CFAP157: variants seen among roughly 807,000 people sequenced by gnomAD.
CFAP157 encodes cilia and flagella associated protein 157.
CFAP157 carries 43 observed loss-of-function variants against 57.8 expected under a neutral mutation model. The observed-to-expected ratio is 0.74, with a 90% CI of 0.58 to 0.96. The LOEUF (loss-of-function observed/expected upper bound fraction) is 0.96. Among genes scored for constraint, CFAP157 ranks in the 40% least tolerant of loss-of-function variants. The pLI is 0.00. For synonymous variants in CFAP157, 267 were observed against 269.0 expected, an observed-to-expected ratio of 0.99 and a Z score of 0.07; for missense variants, 606 against 655.3, an observed-to-expected ratio of 0.92 and a Z score of 0.82.
intron 4 of CFAP157, 114 bp from the exon 5 acceptor site, chr9:127,711,706 C>T: frequency 7.8e-7 from 1 of 1,278,720 alleles, no homozygotes; most frequent in Non-Finnish European, 1.1e-6. Flanking sequence ...AAGCAGAGTC[C>T]AGCCCTGGAG....
At chr9:127,711,122 A>C (rs574813004) in intron 3 of CFAP157, 107 bp from the exon 4 acceptor site, 1 of 1,369,056 alleles carries the variant, frequency 7.3e-7, no homozygotes, top group Non-Finnish European at 9.9e-7. Context: ...GGGAGAGAGC[A>C]TGCTGGTGTT....
rs930782828 is a variant in CFAP157, at chr9:127,712,876, G to A, written c.1304+1G>A. On this transcript the variant is annotated splice_donor_variant, in intron 7 of 8. Coordinates refer to ENST00000373295, the MANE Select transcript of CFAP157 (RefSeq NM_001012502.3). LOFTEE classifies it high-confidence loss of function. ...AGTCCCATGGCCCACCCAAGGAGAGGTAAGCAAGTGGCCCTGTGTGGCCTC... is the reference window on the plus strand; with the variant it reads ...AGTCCCATGGCCCACCCAAGGAGAGATAAGCAAGTGGCCCTGTGTGGCCTC... 1.9e-6 allele frequency: 3 copies of A among 1,608,518 alleles called. No individual in the cohort carries two copies. The African/African-American group carries it at 4.0e-5, about 22-fold the overall frequency.
Position 127,713,866 on chromosome 9 carries a change from A to G in CFAP157, c.1524A>G (p.Glu508=). 1.2e-6 allele frequency: 2 copies of G among 1,613,984 alleles called. No homozygotes were observed. The highest frequency in any genetic ancestry group is 8.5e-7 in the Non-Finnish European group (1 of 1,180,028). Residue 508 remains glutamate, a synonymous_variant, in exon 9 of 9, where the codon GAA becomes GAG. Transcript: ENST00000373295. The part of the protein sequence containing the change: ...MRAPGSLKRL[E]KFSLPEVPLR... ...CCCCTGGTTCTCTAAAAAGGCTTGA[A>G]AAGTTTAGTCTTCCTGAAGTTCCCC...
chr9:127,709,609 G>C lies in CFAP157; in HGVS notation c.349G>C (p.Asp117His). Reference sequence around the variant, plus strand: ...GCAGCTAGCCAAAGAGATGGAGAAGGATGCCTTCGAGGCGCAGCTGGCCCA... The same window carrying C: ...GCAGCTAGCCAAAGAGATGGAGAAGCATGCCTTCGAGGCGCAGCTGGCCCA... ...NLQLAKEMEKDAFEAQLAQVR... is the reference protein window; with the variant it reads ...NLQLAKEMEKHAFEAQLAQVR... The change falls in exon 2 of 9, where the codon GAT (aspartate) becomes CAT (histidine). Residue 117 changes from aspartate to histidine, a missense_variant. Transcript: ENST00000373295. The surrounding 1 kb of genome is among the most constrained non-coding windows in gnomAD (Gnocchi z 4.7). The C allele has an allele frequency of 6.2e-7, 1 of 1,613,976 alleles. No individual in the cohort carries two copies. Among genetic ancestry groups the C allele is most frequent in the Non-Finnish European group, 8.5e-7 (1 of 1,180,028 alleles).
At position 127,714,913 on chromosome 9, in the gene CFAP157, C is replaced by A. The variant is rs1231671835; in HGVS notation, c.*1008C>A. 1.3e-6 allele frequency: 1 copy of A among 745,074 alleles called. No individual in the cohort carries two copies. 46.2% of individuals were successfully genotyped at this position (745,074 alleles called of 1,614,324 possible). A position where few individuals can be genotyped will look rare whatever the true frequency, so the allele number is the denominator to read the frequency against. ...TGTCACAGCCAGTGCTCCCCTCTGGCCCCCGCGCCCCAACCCCCACCCCCT... is the reference window on the plus strand; with the variant it reads ...TGTCACAGCCAGTGCTCCCCTCTGGACCCCGCGCCCCAACCCCCACCCCCT... On this transcript the variant is annotated 3_prime_UTR_variant, in exon 9 of 9. Transcript: ENST00000373295.
In CFAP157 at chr9:127,714,945, GC is replaced by G; in HGVS notation, c.*1043del. 2.9e-6 allele frequency: 1 copy of G among 345,142 alleles called. No homozygotes were observed. The highest frequency in any genetic ancestry group is 4.4e-5 in the South Asian group (1 of 22,922). The allele number at this position is 345,142 out of a possible 1,614,324, so 21.4% of individuals were successfully genotyped here. ...GCCCCAACCCCCACCCCCTTGGCCC[GC>G]CCGCCCACCCCTGGCGCTCTCAACT... On this transcript the variant is annotated 3_prime_UTR_variant, in exon 9 of 9. Transcript: ENST00000373295.
In CFAP157 at chr9:127,714,941, G is replaced by GCCCC; in HGVS notation, c.*1039_*1040insCCCC. The stretch of plus-strand genomic sequence containing the variant: ...CCGCGCCCCAACCCCCACCCCCTTG[G>GCCCC]CCCGCCCGCCCACCCCTGGCGCTCT... On this transcript the variant is annotated 3_prime_UTR_variant, in exon 9 of 9. Transcript: ENST00000373295. 2 of 446,380 alleles carry GCCCC rather than the reference G, an allele frequency of 4.5e-6. No homozygotes were observed. The highest frequency in any genetic ancestry group is 4.1e-6 in the Non-Finnish European group (1 of 246,458). The allele number at this position is 446,380 out of a possible 1,614,324, so 27.7% of individuals were successfully genotyped here.
At position 127,712,879 on chromosome 9, in the gene CFAP157, A is replaced by C. The variant is rs1189425745; in HGVS notation, c.1304+4A>C. The C allele has an allele frequency of 2.5e-6, 4 of 1,608,430 alleles. No individual in the cohort carries two copies. In the South Asian group the frequency reaches 4.4e-5, roughly 18 times the overall value. On this transcript the variant is annotated splice_donor_region_variant and intron_variant, in intron 7 of 8. Transcript: ENST00000373295. Reference sequence around the variant, plus strand: ...CCCATGGCCCACCCAAGGAGAGGTAAGCAAGTGGCCCTGTGTGGCCTCAGA... The same window carrying C: ...CCCATGGCCCACCCAAGGAGAGGTACGCAAGTGGCCCTGTGTGGCCTCAGA...
At chr9:127,712,373 G>C in intron 6 of CFAP157, 24 bp downstream of exon 6, 1 of 1,612,288 alleles carries the variant, frequency 6.2e-7, no homozygotes. Flanking sequence ...AGAGAGGGAG[G>C]GCGCAAGGGG....
At position 127,709,412 on chromosome 9, in the gene CFAP157, C is replaced by G. The variant is rs773957706; in HGVS notation, c.162-10C>G. 2 of 1,611,774 alleles carry G rather than the reference C, an allele frequency of 1.2e-6. No homozygotes were observed. The highest frequency in any genetic ancestry group is 1.7e-6 in the Non-Finnish European group (2 of 1,179,406). ...CTGACCCCTGGACCACGGCTCTGCC[C>G]CTGCCCCAGGTACCAGCGGAAGTGG... On this transcript the variant is annotated splice_polypyrimidine_tract_variant and intron_variant, in intron 1 of 8. Transcript: ENST00000373295. The surrounding 1 kb of genome is among the most constrained non-coding windows in gnomAD (Gnocchi z 4.7).
Position 127,712,692 on chromosome 9 carries a change from C to G in CFAP157, c.1138-17C>G, listed in dbSNP as rs768608600. On this transcript the variant is annotated splice_polypyrimidine_tract_variant and intron_variant, in intron 6 of 8. Transcript: ENST00000373295. ...GGGGCCACTGTGGGCCTGCTGCCAC[C>G]CCACCCTCACCAACAGATGCACCGC... 1.2e-6 allele frequency: 2 copies of G among 1,614,070 alleles called. No individual in the cohort carries two copies. Among genetic ancestry groups the G allele is most frequent in the Non-Finnish European group, 1.7e-6 (2 of 1,179,996 alleles).
Position 127,714,940 on chromosome 9 carries a change from G to GCCCCCC in CFAP157, c.*1035_*1036insCCCCCC. On this transcript the variant is annotated 3_prime_UTR_variant, in exon 9 of 9. Transcript: ENST00000373295. ...CCCGCGCCCCAACCCCCACCCCCTT[G>GCCCCCC]GCCCGCCCGCCCACCCCTGGCGCTC... The GCCCCCC allele has an allele frequency of 3.5e-6, 1 of 282,396 alleles. No individual in the cohort carries two copies. The allele number at this position is 282,396 out of a possible 1,614,324, so 17.5% of individuals were successfully genotyped here. A position where few individuals can be genotyped will look rare whatever the true frequency, so the allele number is the denominator to read the frequency against.
intron 8 of CFAP157, 108 bp from the exon 9 acceptor site, chr9:127,713,726 C>T (rs1014494443): frequency 2.6e-5 from 23 of 877,238 alleles, no homozygotes; most frequent in Middle Eastern, 3.0e-4. Flanking sequence ...AGGCTGGTCT[C>T]GAACTCCTGA....
Position 127,714,245 on chromosome 9 carries a change from G to C in CFAP157, c.*340G>C. Reference sequence around the variant, plus strand: ...ATGGGCCTGAACCGCCTCAGGGTGCGCCGGGCGCCCGATACCCACCCGCAG... The same window carrying C: ...ATGGGCCTGAACCGCCTCAGGGTGCCCCGGGCGCCCGATACCCACCCGCAG... On this transcript the variant is annotated 3_prime_UTR_variant, in exon 9 of 9. Coordinates refer to ENST00000373295, the MANE Select transcript of CFAP157 (RefSeq NM_001012502.3). The C allele has an allele frequency of 6.2e-7, 1 of 1,613,946 alleles. No homozygotes were observed.
At position 127,709,402 on chromosome 9, in the gene CFAP157, C is replaced by T. The variant is rs373677847; in HGVS notation, c.162-20C>T. On this transcript the variant is annotated intron_variant, in intron 1 of 8. Coordinates refer to ENST00000373295, the MANE Select transcript of CFAP157 (RefSeq NM_001012502.3). This position sits in a 1 kb window ranked among gnomAD's most constrained non-coding sequence, Gnocchi z 4.7. ...CTTGCCCAGCCTGACCCCTGGACCA[C>T]GGCTCTGCCCCTGCCCCAGGTACCA... 1.7e-4 allele frequency: 279 copies of T among 1,608,990 alleles called. No homozygotes were observed. In the African/African-American group the frequency reaches 2.3e-3, roughly 13 times the overall value.
chr9:127,711,143 A>G lies in CFAP157; in HGVS notation c.588-86A>G, dbSNP rs1419319587. 9 of 1,506,926 alleles carry G rather than the reference A, an allele frequency of 6.0e-6. No individual in the cohort carries two copies. In the South Asian group the frequency reaches 7.8e-5, roughly 13 times the overall value. 93.3% of individuals were successfully genotyped at this position (1,506,926 alleles called of 1,614,324 possible). The stretch of plus-strand genomic sequence containing the variant: ...GAGCATGCTGGTGTTTAACAGCCCT[A>G]GGTGCTCTGGGAACCTCACAAAGGG... On this transcript the variant is annotated intron_variant, in intron 3 of 8. Transcript: ENST00000373295.
At position 127,711,472 on chromosome 9, in the gene CFAP157, C is replaced by A. The variant is rs1389078736; in HGVS notation, c.831C>A (p.Ala277=). The A allele has an allele frequency of 1.2e-6, 2 of 1,613,688 alleles. No individual in the cohort carries two copies. Among genetic ancestry groups the A allele is most frequent in the Non-Finnish European group, 1.7e-6 (2 of 1,179,986 alleles). Reference sequence around the variant, plus strand: ...TGGAGAACACCCAGAAGGTCATGGCCAGGCACAAAAGAGGCCACCAGAAGG... The same window carrying A: ...TGGAGAACACCCAGAAGGTCATGGCAAGGCACAAAAGAGGCCACCAGAAGG... ...ELLENTQKVM[A]RHKRGHQKII... is the part of the protein sequence containing the mutation. The change falls in exon 4 of 9, where the codon GCC becomes GCA. Residue 277 remains alanine, a synonymous_variant. Transcript: ENST00000373295.
Position 127,709,366 on chromosome 9 carries a change from C to T in CFAP157, c.162-56C>T. On this transcript the variant is annotated intron_variant, in intron 1 of 8. Transcript: ENST00000373295. This position sits in a 1 kb window ranked among gnomAD's most constrained non-coding sequence, Gnocchi z 4.7. ...TCCAGGAGAGTGGGCCCAGCTGCACCAGAGGCCTGGCTTGCCCAGCCTGAC... is the reference window on the plus strand; with the variant it reads ...TCCAGGAGAGTGGGCCCAGCTGCACTAGAGGCCTGGCTTGCCCAGCCTGAC... 3 of 1,572,502 alleles carry T rather than the reference C, an allele frequency of 1.9e-6. No homozygotes were observed.
intron 3 of CFAP157, among the ~76,000 whole-genome samples, 157 bp from the exon 4 acceptor site, chr9:127,711,072 C>T (rs1588392478): frequency 6.6e-6 from 1 of 152,184 alleles, no homozygotes; most frequent in African/African-American, 2.4e-5. Flanking sequence ...TCCAGAGGAT[C>T]TACAGGGAAA....
Sources: allele counts gnomAD v4.1 joint callset (sites outside exome capture counted in the v4.1 genomes callset), GRCh38; gene constraint gnomAD v4.1.1; non-coding constraint Gnocchi (gnomAD v3.1); transcripts MANE v1.5; gene names NCBI Gene and HGNC (gene_info 2026-07-23, HGNC 2026-07-21).